TTC39B: variants seen among roughly 807,000 people sequenced by gnomAD.
TTC39B encodes tetratricopeptide repeat protein 39B.
In TTC39B, 92 loss-of-function variants were observed where a neutral mutation model predicts 96.6. The observed-to-expected ratio is 0.95, with a 90% CI of 0.80 to 1.13. The LOEUF is 1.13. Among genes scored for constraint, TTC39B ranks in the 50% most tolerant of loss-of-function variants. The pLI is 0.00. For synonymous variants in TTC39B, 367 were observed against 299.4 expected, an observed-to-expected ratio of 1.23 and a Z score of -2.33; for missense variants, 955 against 809.3, an observed-to-expected ratio of 1.18 and a Z score of -2.18.
chr9:15,298,172 G>A (rs1242927246), intron 1 of TTC39B, among the ~76,000 whole-genome samples: 9 of 152,136 alleles, frequency 5.9e-5, no homozygotes, highest in Middle Eastern at 3.4e-3. Context: ...TCCAGCATTC[G>A]GTCTCCAGAA....
intron 7 of TTC39B, among the ~76,000 whole-genome samples, chr9:15,203,172 G>A (rs1319034559): frequency 1.3e-5 from 2 of 152,180 alleles, no homozygotes; most frequent in Admixed American, 6.5e-5. Flanking sequence ...AGTAGAAAGC[G>A]CAAAGGAGAA....
intron 19 of TTC39B, among the ~76,000 whole-genome samples, chr9:15,173,345 C>T (rs749913528): frequency 5.9e-5 from 9 of 152,122 alleles, no homozygotes; most frequent in Non-Finnish European, 1.0e-4. Context: ...CTACCATGCC[C>T]GTAAAGCTTT....
At chr9:15,235,420 T>C (rs1029273502) in intron 2 of TTC39B, among the ~76,000 whole-genome samples, 1 of 152,176 alleles carries the variant, frequency 6.6e-6, no homozygotes, top group Non-Finnish European at 1.5e-5. Flanking sequence ...AACTCCCTAA[T>C]CTTTCTACAG....
chr9:15,188,373 AG>A (rs1818658324), intron 13 of TTC39B, among the ~76,000 whole-genome samples: 1 of 152,184 alleles, frequency 6.6e-6, no homozygotes, highest in Admixed American at 6.5e-5. Context: ...TTCCATTCCA[AG>A]GAAGATATCA....
At chr9:15,185,318 A>C (rs1187504882) in exon 16 of TTC39B, 1 of 1,613,840 alleles carries the variant, frequency 6.2e-7, no homozygotes, top group Admixed American at 1.7e-5. Flanking sequence ...GCAGGTAAGG[A>C]GGCGGAGTAA....
chr9:15,238,415 T>A (rs937025023), intron 2 of TTC39B, among the ~76,000 whole-genome samples: 4 of 152,106 alleles, frequency 2.6e-5, no homozygotes, highest in Admixed American at 2.0e-4. Flanking sequence ...TCCAAAAGAC[T>A]CCTAGATTTG....
chr9:15,208,218 T>C (rs1819988643), intron 6 of TTC39B, among the ~76,000 whole-genome samples: 3 of 150,870 alleles, frequency 2.0e-5, no homozygotes, highest in Admixed American at 1.3e-4. Context: ...AGAGACGGGG[T>C]TTCACCATGT....
At chr9:15,199,642 G>A (rs951619811) in intron 8 of TTC39B, among the ~76,000 whole-genome samples, 5 of 145,882 alleles carry the variant, frequency 3.4e-5, no homozygotes, top group Non-Finnish European at 7.5e-5. Flanking sequence ...GGATGAGGCA[G>A]GAGAATGGCG....
chr9:15,205,080 C>T (rs1360225650), intron 6 of TTC39B, among the ~76,000 whole-genome samples: 1 of 152,150 alleles, frequency 6.6e-6, no homozygotes, highest in African/African-American at 2.4e-5. Flanking sequence ...GCTATGGGAC[C>T]TCGTCCCCTC....
chr9:15,292,362 T>G (rs1824218562), intron 1 of TTC39B, among the ~76,000 whole-genome samples: 2 of 152,192 alleles, frequency 1.3e-5, no homozygotes, highest in Non-Finnish European at 2.9e-5. Context: ...TACATATTTG[T>G]GGTGATGCCG....
At chr9:15,231,802 A>G (rs1274993848) in intron 2 of TTC39B, among the ~76,000 whole-genome samples, 1 of 152,232 alleles carries the variant, frequency 6.6e-6, no homozygotes, top group East Asian at 1.9e-4. Context: ...ATGTCCTTCA[A>G]GGTTTTCCAT....
chr9:15,183,740 A>T (rs1818372446), intron 16 of TTC39B, among the ~76,000 whole-genome samples: 1 of 152,260 alleles, frequency 6.6e-6, no homozygotes, highest in African/African-American at 2.4e-5. Context: ...TAAGGCTCTA[A>T]TTGGTTAAGC....
At chr9:15,281,557 CT>C (rs947005258) in intron 1 of TTC39B, among the ~76,000 whole-genome samples, 13 of 137,492 alleles carry the variant, frequency 9.5e-5, no homozygotes, top group African/African-American at 3.7e-4. Context: ...AAGCTTAAGA[CT>C]TCTACATATT....
intron 1 of TTC39B, among the ~76,000 whole-genome samples, chr9:15,302,539 CAAAA>C (rs145173046): frequency 2.1e-4 from 10 of 46,766 alleles, no homozygotes; most frequent in East Asian, 1.7e-3. Flanking sequence ...GATTCCGTCT[CAAAA>C]AAAAAAAAAA....
intron 1 of TTC39B, among the ~76,000 whole-genome samples, chr9:15,281,478 A>G (rs1234233006): frequency 6.6e-6 from 1 of 151,974 alleles, no homozygotes; most frequent in African/African-American, 2.4e-5. Context: ...CTTATAGGTA[A>G]TTTTGGTATT....
chr9:15,204,460 T>G (rs1403252223), intron 6 of TTC39B, among the ~76,000 whole-genome samples: 1 of 149,192 alleles, frequency 6.7e-6, no homozygotes, highest in Admixed American at 6.7e-5. Context: ...ACCCGGGAGG[T>G]GGAGGTTGCA....
chr9:15,232,329 C>T (rs13290550), intron 2 of TTC39B: 12,825 of 152,648 alleles, frequency 0.084, 682 homozygotes, highest in Non-Finnish European at 0.12. Flanking sequence ...CATACTAACG[C>T]TATAGTTACA....
chr9:15,259,512 T>C (rs1040597065), intron 2 of TTC39B, among the ~76,000 whole-genome samples: 3 of 152,232 alleles, frequency 2.0e-5, no homozygotes, highest in African/African-American at 7.2e-5. Context: ...CAATTGTTTA[T>C]AGCAGCATTA....
chr9:15,255,806 T>C (rs369537419), intron 2 of TTC39B, among the ~76,000 whole-genome samples: 25 of 152,308 alleles, frequency 1.6e-4, no homozygotes, highest in African/African-American at 5.3e-4. Context: ...TGCATTTGAG[T>C]TTATGAACAC....
Sources: gnomAD v4.1 joint callset for allele counts (sites outside exome capture counted in the v4.1 genomes callset) on GRCh38, gnomAD v4.1.1 for gene constraint, MANE v1.5 for transcripts, NCBI Gene and HGNC (gene_info 2026-07-23, HGNC 2026-07-21) for gene names.